The following ALDH7A1 variants were observed in gnomAD, a reference collection of about 807,000 sequenced individuals.
The protein encoded by ALDH7A1 is alpha-aminoadipic semialdehyde dehydrogenase.
A neutral mutation model predicts 79.9 loss-of-function variants in ALDH7A1; 63 were observed. That is an observed-to-expected ratio of 0.79 (90% confidence interval 0.64 to 0.97). ALDH7A1 has a LOEUF of 0.97. Among genes scored for constraint, ALDH7A1 ranks in the 50% least tolerant of loss-of-function variants. ALDH7A1 has a pLI of 0.00. For missense variants in ALDH7A1, 627 were observed against 665.2 expected, an observed-to-expected ratio of 0.94 and a Z score of 0.63; for synonymous variants, 240 against 231.2, an observed-to-expected ratio of 1.04 and a Z score of -0.34.
At chr5:126,592,388 G>C (rs567764755) in intron 3 of ALDH7A1, 238 of 428,640 alleles carry the variant, frequency 5.6e-4, no homozygotes, top group African/African-American at 4.5e-3. Flanking sequence ...GTGAAGAATA[G>C]TGTTCACAGC....
chr5:126,594,933 C>T (rs986557553), intron 1 of ALDH7A1, 74 bp downstream of exon 1: 1 of 1,540,006 alleles, frequency 6.5e-7, no homozygotes, highest in African/African-American at 1.4e-5. Flanking sequence ...AGCGGGGAGT[C>T]GGTAGGTCAG....
intron 6 of ALDH7A1, among the ~76,000 whole-genome samples, chr5:126,576,460 C>T (rs1750973419): frequency 1.3e-5 from 2 of 152,050 alleles, no homozygotes; most frequent in Admixed American, 6.6e-5. Context: ...AGACAATTGT[C>T]CTGATTTTCC....
chr5:126,577,540 C>T (rs781385706), intron 5 of ALDH7A1, among the ~76,000 whole-genome samples: 2 of 152,230 alleles, frequency 1.3e-5, no homozygotes, highest in Middle Eastern at 3.4e-3. Flanking sequence ...AAGGGCAGAA[C>T]ATGACCAGGG....
At chr5:126,586,811 G>C (rs887198181) in intron 3 of ALDH7A1, 1 of 152,384 alleles carries the variant, frequency 6.6e-6, no homozygotes, top group Admixed American at 6.5e-5. Flanking sequence ...ATGGCCGGGG[G>C]CTGTGGTTCC....
intron 13 of ALDH7A1, 50 bp from the exon 14 acceptor site, chr5:126,552,187 G>A: frequency 6.9e-7 from 1 of 1,454,870 alleles, no homozygotes; most frequent in Non-Finnish European, 9.7e-7. Flanking sequence ...TGTTTTCTAG[G>A]ACTTGGGGTC....
chr5:126,590,041 C>A (rs1581402964), intron 3 of ALDH7A1, among the ~76,000 whole-genome samples: 1 of 136,050 alleles, frequency 7.4e-6, no homozygotes, highest in Non-Finnish European at 1.5e-5. Context: ...CCAGCTGCCG[C>A]CCCGTCTGGA....
chr5:126,584,081 T>G (rs902912013), intron 3 of ALDH7A1, 69 bp from the exon 4 acceptor site: 1 of 1,281,402 alleles, frequency 7.8e-7, no homozygotes, highest in Non-Finnish European at 1.1e-6. Flanking sequence ...CAGTATTGGA[T>G]GTGTGCTGTA....
rs138675705 is a variant in ALDH7A1, at chr5:126,555,958, G to C, written c.1066C>G (p.Gln356Glu). The C allele has an allele frequency of 6.8e-6, 11 of 1,613,382 alleles. No homozygotes were observed. In the African/African-American group the frequency reaches 9.3e-5, roughly 14 times the overall value. The change falls in exon 12 of 18, where the codon CAG becomes GAG. Residue 356 changes from glutamine to glutamate, a missense_variant. Transcript: ENST00000409134. ...TCCCATGGGTTCCCAACTCGGATCT[G>C]TGCATAGGCCTTTTTAAGTCTGTTT... ...VVNRLKKAYA[Q>E]IRVGNPWDPN...
intron 5 of ALDH7A1, among the ~76,000 whole-genome samples, chr5:126,582,584 A>G (rs187252177): frequency 1.2e-4 from 18 of 152,322 alleles, no homozygotes; most frequent in African/African-American, 3.8e-4. Context: ...CTCTTTGGGT[A>G]TATTTCCAAA....
intron 5 of ALDH7A1, among the ~76,000 whole-genome samples, chr5:126,577,745 T>C (rs1054041564): frequency 3.3e-5 from 5 of 151,924 alleles, no homozygotes; most frequent in Admixed American, 1.3e-4. Context: ...TTTTTATTTT[T>C]AGTAGAGAAG....
intron 14 of ALDH7A1, among the ~76,000 whole-genome samples, chr5:126,550,789 G>A (rs17531712): frequency 0.013 from 1,996 of 152,244 alleles, 26 homozygotes; most frequent in Non-Finnish European, 0.018. Flanking sequence ...AACAATGATA[G>A]GCAATTTAAA....
At chr5:126,579,786 C>T (rs930155017) in intron 5 of ALDH7A1, among the ~76,000 whole-genome samples, 3 of 152,206 alleles carry the variant, frequency 2.0e-5, no homozygotes, top group South Asian at 2.1e-4. Context: ...AGTGCAACCT[C>T]GTCTCTACAA....
chr5:126,556,079 A>G (rs1216083309), intron 11 of ALDH7A1, 64 bp from the exon 12 acceptor site: 1 of 1,107,232 alleles, frequency 9.0e-7, no homozygotes, highest in Non-Finnish European at 1.4e-6. Flanking sequence ...AACAATGAAT[A>G]ATTTCCTTGA....
At chr5:126,547,477 C>T (rs995063118) in intron 16 of ALDH7A1, among the ~76,000 whole-genome samples, 2 of 152,196 alleles carry the variant, frequency 1.3e-5, no homozygotes, top group African/African-American at 2.4e-5. Context: ...CACTGCCCTC[C>T]GCTTGCTAGC....
intron 9 of ALDH7A1, among the ~76,000 whole-genome samples, chr5:126,566,891 C>T (rs1750602278): frequency 6.6e-6 from 1 of 152,172 alleles, no homozygotes; most frequent in African/African-American, 2.4e-5. Context: ...CCAAATAGGA[C>T]TAGTACAATT....
intron 11 of ALDH7A1, among the ~76,000 whole-genome samples, chr5:126,558,195 A>C (rs1402437199): frequency 2.0e-5 from 3 of 147,750 alleles, no homozygotes; most frequent in African/African-American, 7.4e-5. Flanking sequence ...AAAAAAACAC[A>C]AAAACAAAAC....
intron 8 of ALDH7A1, chr5:126,568,671 A>G (rs1285680594): frequency 8.3e-6 from 3 of 361,076 alleles, no homozygotes; most frequent in Non-Finnish European, 1.6e-5. Flanking sequence ...CTTGCTGAGC[A>G]TTCCAGTTTT....
chr5:126,584,341 G>C (rs1751282139), intron 3 of ALDH7A1: 2 of 337,940 alleles, frequency 5.9e-6, no homozygotes, highest in Non-Finnish European at 1.1e-5. Flanking sequence ...AGATTGGAGG[G>C]GAAATGGGTA....
chr5:126,554,749 C>T, intron 12 of ALDH7A1: 1 of 356,142 alleles, frequency 2.8e-6, no homozygotes. Context: ...CAAAGCACTG[C>T]ACTCAAAATA....
Sources: gnomAD v4.1 joint callset for allele counts (sites outside exome capture counted in the v4.1 genomes callset) on GRCh38, gnomAD v4.1.1 for gene constraint, MANE v1.5 for transcripts, NCBI Gene and HGNC (gene_info 2026-07-23, HGNC 2026-07-21) for gene names.